Variants in WDR41 observed in about 807,000 individuals in gnomAD.
WDR41 encodes WD repeat domain 41.
A neutral mutation model predicts 69.3 loss-of-function variants in WDR41; 63 were observed. The observed-to-expected ratio is 0.91, with a 90% CI of 0.74 to 1.12. The LOEUF is 1.12. Among genes scored for constraint, WDR41 ranks in the 50% most tolerant of loss-of-function variants. The pLI is 0.00. For synonymous variants in WDR41, 185 were observed against 192.1 expected (o/e 0.96, Z 0.31); for missense variants, 543 against 534.5 (o/e 1.02, Z -0.16).
At chr5:77,472,957 T>C (rs1414629738) in intron 2 of WDR41, among the ~76,000 whole-genome samples, 48 of 152,120 alleles carry the variant, frequency 3.2e-4, no homozygotes, top group African/African-American at 1.1e-3. Context: ...CAGCCCGCAT[T>C]GCCAAGTCAG....
intron 8 of WDR41, among the ~76,000 whole-genome samples, chr5:77,443,040 G>A (rs1168552378): frequency 1.3e-5 from 2 of 151,656 alleles, no homozygotes; most frequent in African/African-American, 2.4e-5. Context: ...GGGTAAGACA[G>A]AAGACTATAA....
chr5:77,522,488 A>T (rs1802385464), intron 1 of WDR41, among the ~76,000 whole-genome samples: 1 of 152,078 alleles, frequency 6.6e-6, no homozygotes, highest in African/African-American at 2.4e-5. Flanking sequence ...AAAAATACAA[A>T]AATTAGCCAG....
Position 77,463,157 on chromosome 5 carries a change from A to G in WDR41, c.286T>C (p.Leu96=). The stretch of plus-strand genomic sequence containing the variant: ...TGATTTTTCTCTTCACAAGATTCCA[A>G]GGAAGGAAATGTAATAATAGCTGTT... ...KITAIITFPS[L]ESCEEKNQLI... The change falls in exon 4 of 13, where the codon TTG becomes CTG. Residue 96 remains leucine (L), a synonymous_variant. Transcript: ENST00000296679. 4 of 1,612,806 alleles carry G rather than the reference A, an allele frequency of 2.5e-6. No homozygotes were observed. The highest frequency in any genetic ancestry group is 3.4e-6 in the Non-Finnish European group (4 of 1,179,366).
chr5:77,494,768 G>T (rs940929809), upstream of WDR41, among the ~76,000 whole-genome samples: 1 of 152,198 alleles, frequency 6.6e-6, no homozygotes, highest in Admixed American at 6.5e-5. Flanking sequence ...ACAAGGTAAA[G>T]AAATAGAGGA....
intron 1 of WDR41, among the ~76,000 whole-genome samples, chr5:77,608,951 G>A (rs568535473): frequency 1.3e-5 from 2 of 152,196 alleles, no homozygotes; most frequent in South Asian, 2.1e-4. Flanking sequence ...ACTCCCACCC[G>A]AATACTGCGC....
chr5:77,587,125 T>C (rs1231678300), intron 1 of WDR41, among the ~76,000 whole-genome samples: 1 of 150,602 alleles, frequency 6.6e-6, no homozygotes, highest in Non-Finnish European at 1.5e-5. Flanking sequence ...TCTCAGTGAT[T>C]GCTCCCCCAA....
chr5:77,614,305 C>T (rs1580054341), intron 1 of WDR41, among the ~76,000 whole-genome samples: 1 of 151,550 alleles, frequency 6.6e-6, no homozygotes, highest in African/African-American at 2.4e-5. Context: ...GGTATATACC[C>T]AAAGGACTAT....
At position 77,433,364 on chromosome 5, in the gene WDR41, G is replaced by A. The variant is rs760451447; in HGVS notation, c.1228-77C>T. 6.1e-5 allele frequency: 84 copies of A among 1,379,210 alleles called. 1 individual carries two copies. The highest frequency in any genetic ancestry group is 1.4e-4 in the South Asian group (10 of 69,014). 85.4% of individuals were successfully genotyped at this position (1,379,210 alleles called of 1,614,324 possible). A position where few individuals can be genotyped will look rare whatever the true frequency, so the allele number is the denominator to read the frequency against. ...TCTAATACCACATTAACACATGTGC[G>A]TGTGAGATATGTGCCTTAAAGACTC... is the stretch of plus-strand genomic sequence containing the variant. On this transcript the variant is annotated intron_variant, in intron 12 of 12. Coordinates refer to ENST00000296679, the MANE Select transcript of WDR41 (RefSeq NM_018268.4).
Position 77,558,941 on chromosome 5 carries a change from T to G in WDR41, c.42+61538A>C, listed in dbSNP as rs182455842. Among the ~76,000 whole-genome samples the G allele has an allele frequency of 6.6e-5, 10 of 152,318 alleles. No homozygotes were observed. The East Asian group carries it at 1.9e-3, about 29-fold the overall frequency. On this transcript the variant is annotated intron_variant, in intron 1 of 5. Coordinates refer to the WDR41 transcript ENST00000509971. ...TTACACTAAGGGAAAAAAACCTTAA[T>G]TTTTAAAGCTTAACAAGAAATTGTG...
intron 8 of WDR41, among the ~76,000 whole-genome samples, chr5:77,441,980 C>G (rs1167125023): frequency 6.6e-6 from 1 of 151,798 alleles, no homozygotes; most frequent in East Asian, 1.9e-4. Flanking sequence ...AATCTAAAAA[C>G]AAGGAGATAC....
chr5:77,472,879 C>T (rs1049096626), intron 2 of WDR41, among the ~76,000 whole-genome samples: 2 of 152,102 alleles, frequency 1.3e-5, no homozygotes, highest in African/African-American at 4.8e-5. Context: ...CCATCCCCAT[C>T]AAGCTACCAA....
intron 1 of WDR41, among the ~76,000 whole-genome samples, chr5:77,597,017 G>A (rs1380622161): frequency 2.0e-5 from 3 of 152,044 alleles, no homozygotes; most frequent in Non-Finnish European, 2.9e-5. Flanking sequence ...AGCTACTTGG[G>A]AGGCTAAAGG....
chr5:77,464,196 C>T (rs1164489796), intron 3 of WDR41, among the ~76,000 whole-genome samples: 2 of 151,424 alleles, frequency 1.3e-5, no homozygotes, highest in African/African-American at 4.9e-5. Flanking sequence ...CTAGTGATAA[C>T]CTAAATTTTG....
intron 1 of WDR41, among the ~76,000 whole-genome samples, chr5:77,581,729 A>G (rs1743943611): frequency 6.6e-6 from 1 of 152,232 alleles, no homozygotes; most frequent in Non-Finnish European, 1.5e-5. Flanking sequence ...CATGGAAATA[A>G]AACATACTCC....
At chr5:77,477,288 A>G (rs1481273106) in intron 2 of WDR41, among the ~76,000 whole-genome samples, 1 of 151,078 alleles carries the variant, frequency 6.6e-6, no homozygotes, top group Non-Finnish European at 1.5e-5. Flanking sequence ...CAACAAGGAT[A>G]CCCAGGAATT....
chr5:77,595,959 G>T (rs985853730), intron 1 of WDR41, among the ~76,000 whole-genome samples: 2 of 152,038 alleles, frequency 1.3e-5, no homozygotes, highest in Non-Finnish European at 2.9e-5. Flanking sequence ...ATGAAATTTG[G>T]GAATCCAGAC....
intron 2 of WDR41, among the ~76,000 whole-genome samples, chr5:77,473,136 G>A (rs780464470): frequency 4.0e-5 from 6 of 151,528 alleles, no homozygotes; most frequent in Admixed American, 6.6e-5. Flanking sequence ...CAGAAATAAC[G>A]CCGCATATCT....
At chr5:77,557,195 A>G (rs915886792) in intron 1 of WDR41, among the ~76,000 whole-genome samples, 1 of 152,240 alleles carries the variant, frequency 6.6e-6, no homozygotes, top group African/African-American at 2.4e-5. Context: ...TAGCACAGAA[A>G]GTACTAACCA....
chr5:77,445,954 T>A (rs910724402), intron 8 of WDR41, among the ~76,000 whole-genome samples: 12 of 152,060 alleles, frequency 7.9e-5, no homozygotes, highest in African/African-American at 2.9e-4. Context: ...AAATAAAGGG[T>A]ATTCAAATAG....
Sources: allele counts gnomAD v4.1 joint callset (sites outside exome capture counted in the v4.1 genomes callset), GRCh38; gene constraint gnomAD v4.1.1; transcripts MANE v1.5; gene names NCBI Gene and HGNC (gene_info 2026-07-23, HGNC 2026-07-21).